ZNF511: variants seen among roughly 807,000 people sequenced by gnomAD.
ZNF511 encodes the protein zinc finger protein 511.
In ZNF511, 26 loss-of-function variants were observed where a neutral mutation model predicts 24.8. The observed-to-expected ratio is 1.05, with a 90% CI of 0.77 to 1.46. ZNF511 has a LOEUF of 1.46. ZNF511 is among the 40% of genes most tolerant of loss of function. ZNF511 has a pLI of 0.00. For missense variants in ZNF511, 358 were observed against 345.0 expected (o/e 1.04, Z -0.30); for synonymous variants, 144 against 139.6 (o/e 1.03, Z -0.22).
Position 133,311,818 on chromosome 10 carries a change from T to C in ZNF511, c.657T>C (p.Gly219=), listed in dbSNP as rs762128129. 3.7e-6 allele frequency: 6 copies of C among 1,606,864 alleles called. No homozygotes were observed. The highest frequency in any genetic ancestry group is 5.1e-6 in the Non-Finnish European group (6 of 1,177,778). Reference sequence around the variant, plus strand: ...TGGCAGCCTCCCCTGCACCGGCAGGTGAGAGGCGGATCTACAGACATAGGT... The same window carrying C: ...TGGCAGCCTCCCCTGCACCGGCAGGCGAGAGGCGGATCTACAGACATAGGT... ...EPVAASPAPA[G]ERRIYRHRIP... Residue 219 remains glycine (G), a synonymous_variant, in exon 5 of 6, where the codon GGT becomes GGC. Coordinates refer to ENST00000361518, the MANE Select transcript of ZNF511 (RefSeq NM_145806.4).
At position 133,309,892 on chromosome 10, in the gene ZNF511, C is replaced by T. The variant is rs781659266; in HGVS notation, c.344C>T (p.Ala115Val). 50 of 1,613,606 alleles carry T rather than the reference C, an allele frequency of 3.1e-5. No homozygotes were observed. The East Asian group carries it at 1.0e-3, about 32-fold the overall frequency. ...HGNVCSFCKR[A>V]FPSGHLLDAH... ...AATGTTTGCTCCTTTTGCAAGCGGG[C>T]CTTCCCTTCCGGACACCTGCTGGAC... Residue 115 changes from alanine (A) to valine (V), a missense_variant, in exon 3 of 6, where the codon GCC becomes GTC. Physicochemically the swap from Ala to Val is moderately conservative, Grantham distance 64. Coordinates refer to ENST00000361518, the MANE Select transcript of ZNF511 (RefSeq NM_145806.4).
Position 133,309,959 on chromosome 10 carries a change from G to T in ZNF511, c.411G>T (p.Leu137=), listed in dbSNP as rs1187432218. The T allele has an allele frequency of 1.2e-6, 2 of 1,613,198 alleles. No homozygotes were observed. Among genetic ancestry groups the T allele is most frequent in the Admixed American group, 3.3e-5 (2 of 60,014 alleles). ...LEWHDSLFQI[L]SERQDMYQCL... ...GGCACGATTCGCTCTTCCAGATCCT[G>T]TCTGAGAGGCAGGACATGGTGGGTG... Residue 137 remains leucine, a synonymous_variant, in exon 3 of 6, where the codon CTG becomes CTT. Transcript: ENST00000361518.
At chr10:133,310,120 G>T (rs548745130) in intron 3 of ZNF511, 44 bp from the exon 4 acceptor site, 3 of 1,612,474 alleles carry the variant, frequency 1.9e-6, no homozygotes, top group East Asian at 4.5e-5. Flanking sequence ...TGGCGGTGGG[G>T]GAGGGCCAGG....
At chr10:133,311,585 A>G in intron 4 of ZNF511, 131 bp from the exon 5 acceptor site, 1 of 766,444 alleles carries the variant, frequency 1.3e-6, no homozygotes, top group South Asian at 1.8e-5. Flanking sequence ...ATAAAATCAG[A>G]CTATGCCAAA....
At position 133,309,756 on chromosome 10, in the gene ZNF511, G is replaced by A; in HGVS notation, c.228-20G>A. The A allele has an allele frequency of 6.2e-7, 1 of 1,611,898 alleles. No homozygotes were observed. The highest frequency in any genetic ancestry group is 8.5e-7 in the Non-Finnish European group (1 of 1,180,012). On this transcript the variant is annotated intron_variant, in intron 2 of 5. Transcript: ENST00000361518. Reference sequence around the variant, plus strand: ...TCCTCGCACCGGAGGAAGGGCTCCTGAAGCACGTCTCCTTGGCAGGGTGCC... The same window carrying A: ...TCCTCGCACCGGAGGAAGGGCTCCTAAAGCACGTCTCCTTGGCAGGGTGCC...
Position 133,312,885 on chromosome 10 carries a change from G to C in ZNF511, c.*19G>C, listed in dbSNP as rs555874146. The C allele has an allele frequency of 8.7e-6, 14 of 1,613,830 alleles. No homozygotes were observed. Among genetic ancestry groups the C allele is most frequent in the East Asian group, 2.2e-5 (1 of 44,896 alleles). On this transcript the variant is annotated 3_prime_UTR_variant, in exon 6 of 6. Transcript: ENST00000361518. ...ATGCTGATAGACTCAGAAAAGGAGT[G>C]GGGGGCAGTCACCACTGCTGGGCGT...
At chr10:133,310,357 T>G in intron 4 of ZNF511, 69 bp downstream of exon 4, 1 of 1,593,906 alleles carries the variant, frequency 6.3e-7, no homozygotes, top group Non-Finnish European at 8.5e-7. Flanking sequence ...CTAGCCGGAA[T>G]GCATAGACGG....
In ZNF511 at chr10:133,308,970, C is replaced by A; in HGVS notation, c.27C>A (p.Ala9=). The change falls in exon 1 of 6, where the codon GCC becomes GCA. Residue 9 remains alanine, a synonymous_variant. Transcript: ENST00000361518. ...TGCAGTTGCCCCCCGCGCTGTGCGC[C>A]CGCCTCGCTGCGGGGCCCGGGGCGG... is the stretch of plus-strand genomic sequence containing the variant. MQLPPALC[A]RLAAGPGAAE... 1 of 1,242,590 alleles carries A rather than the reference C, an allele frequency of 8.0e-7. No homozygotes were observed. The highest frequency in any genetic ancestry group is 1.6e-5 in the African/African-American group (1 of 64,232). 77.0% of individuals were successfully genotyped at this position (1,242,590 alleles called of 1,614,324 possible).
chr10:133,312,409 A>T (rs1323054250), intron 5 of ZNF511: 1 of 1,177,882 alleles, frequency 8.5e-7, no homozygotes, highest in Non-Finnish European at 1.1e-6. Flanking sequence ...TGGAACGATG[A>T]ACTTAATGTT....
At chr10:133,312,584 G>A (rs1309715617) in intron 5 of ZNF511, 1 of 1,460,480 alleles carries the variant, frequency 6.8e-7, no homozygotes, top group Non-Finnish European at 9.0e-7. Flanking sequence ...CAGCGGGTGT[G>A]CGTTGGTGGC....
intron 5 of ZNF511, chr10:133,312,179 C>T (rs896800753): frequency 7.1e-6 from 10 of 1,411,916 alleles, no homozygotes; most frequent in African/African-American, 1.4e-5. Context: ...GTGCCGTCTG[C>T]GTTTCTAGCG....
At chr10:133,309,645 T>TA (rs1263958561) in intron 2 of ZNF511, 131 bp from the exon 3 acceptor site, 2 of 1,295,552 alleles carry the variant, frequency 1.5e-6, no homozygotes, top group East Asian at 4.8e-5. Context: ...ACTTAATTCA[T>TA]AAAAAGAGGG....
intron 4 of ZNF511, among the ~76,000 whole-genome samples, chr10:133,311,246 G>T (rs1221358439): frequency 2.0e-5 from 3 of 152,134 alleles, no homozygotes; most frequent in Non-Finnish European, 4.4e-5. Flanking sequence ...TAAAAGAACT[G>T]GGAGAACCCA....
At chr10:133,312,100 G>T in intron 5 of ZNF511, 1 of 1,447,244 alleles carries the variant, frequency 6.9e-7, no homozygotes, top group East Asian at 2.5e-5. Flanking sequence ...TTGTCTGAGT[G>T]GGATGGAAAG....
At chr10:133,310,481 G>A in intron 4 of ZNF511, 193 bp downstream of exon 4, 2 of 688,172 alleles carry the variant, frequency 2.9e-6, no homozygotes, top group East Asian at 2.8e-5. Context: ...GCCGAAGGGA[G>A]GCTGGAGGGG....
intron 4 of ZNF511, among the ~76,000 whole-genome samples, chr10:133,310,915 C>T (rs1443776992): frequency 2.0e-5 from 3 of 152,124 alleles, no homozygotes; most frequent in African/African-American, 7.2e-5. Context: ...GATTCTCCCA[C>T]TTCAGCCTCC....
Position 133,309,424 on chromosome 10 carries a change from A to G in ZNF511, c.188A>G (p.Asp63Gly). The G allele has an allele frequency of 3.1e-6, 5 of 1,612,554 alleles. No homozygotes were observed. The Middle Eastern group carries it at 5.0e-4, about 160-fold the overall frequency. ...GDVQRHLYLQDVIMQVADVPE... is the reference protein window; with the variant it reads ...GDVQRHLYLQGVIMQVADVPE... ...GTGCAGCGCCACCTCTACCTCCAGG[A>G]CGTGATCATGCAGGTGGCCGACGTG... Residue 63 changes from aspartate to glycine, a missense_variant, in exon 2 of 6, where the codon GAC (aspartate) becomes GGC (glycine). Asp to Gly is a moderately conservative substitution (Grantham distance 94). Coordinates refer to ENST00000361518, the MANE Select transcript of ZNF511 (RefSeq NM_145806.4).
chr10:133,310,115 G>T (rs1279739802), intron 3 of ZNF511, 49 bp from the exon 4 acceptor site: 1 of 1,612,198 alleles, frequency 6.2e-7, no homozygotes, highest in African/African-American at 1.3e-5. Context: ...GGGCATGGCG[G>T]TGGGGGAGGG....
chr10:133,312,992 T>C lies in ZNF511; in HGVS notation c.*126T>C, dbSNP rs1349328593. 6.5e-7 allele frequency: 1 copy of C among 1,533,490 alleles called. No individual in the cohort carries two copies. The highest frequency in any genetic ancestry group is 2.3e-5 in the East Asian group (1 of 43,700). The allele number at this position is 1,533,490 out of a possible 1,614,324, so 95.0% of individuals were successfully genotyped here. ...CCCTCGCCATCCTCCCCATCCTTGT[T>C]CCTCAGCAAATGGCATTAGCAGCTG... is the stretch of plus-strand genomic sequence containing the variant. On this transcript the variant is annotated 3_prime_UTR_variant, in exon 6 of 6. Coordinates refer to ENST00000361518, the MANE Select transcript of ZNF511 (RefSeq NM_145806.4).
Sources: gnomAD v4.1 joint callset for allele counts (sites outside exome capture counted in the v4.1 genomes callset) on GRCh38, gnomAD v4.1.1 for gene constraint, MANE v1.5 for transcripts, NCBI Gene and HGNC (gene_info 2026-07-23, HGNC 2026-07-21) for gene names.